Variants in TMEM26 observed in about 807,000 individuals in gnomAD.
The protein encoded by TMEM26 is transmembrane protein 26.
In TMEM26, 38 loss-of-function variants were observed where a neutral mutation model predicts 28.8. The ratio of observed to expected loss-of-function variants is 1.32; its 90% CI spans 1.02 to 1.73. The LOEUF is 1.73. Among genes scored for constraint, TMEM26 ranks in the 40% most tolerant of loss-of-function variants. TMEM26 has a pLI of 0.00. For synonymous variants in TMEM26, 227 were observed against 182.9 expected (o/e 1.24, Z -1.95); for missense variants, 518 against 447.1 (o/e 1.16, Z -1.43).
At chr10:61,438,764 G>C (rs1840046611) in intron 1 of TMEM26, among the ~76,000 whole-genome samples, 1 of 152,122 alleles carries the variant, frequency 6.6e-6, no homozygotes, top group Non-Finnish European at 1.5e-5. Flanking sequence ...GATATTCGAA[G>C]ACTTCATTAT....
rs1839521783 is a variant in TMEM26 at position 61,408,375 on chromosome 10, A to G, written c.*1947T>C. The G allele has an allele frequency of 6.6e-6, 1 of 152,222 alleles. No homozygotes were observed. Among genetic ancestry groups the G allele is most frequent in the Non-Finnish European group, 1.5e-5 (1 of 68,040 alleles). The allele number at this position is 152,222 out of a possible 1,614,324, so 9.4% of individuals were successfully genotyped here. On this transcript the variant is annotated 3_prime_UTR_variant, in exon 6 of 6. Transcript: ENST00000399298. ...CAAGCCAAGTCTCAGATTTGAAAGC[A>G]TTTAAAAATATCCTTGCAACAGCCG...
chr10:61,443,865 C>A (rs936638330), intron 1 of TMEM26, among the ~76,000 whole-genome samples: 3 of 152,200 alleles, frequency 2.0e-5, no homozygotes, highest in Non-Finnish European at 1.5e-5. Context: ...CAATATGTTT[C>A]ACTATTACTA....
intron 1 of TMEM26, among the ~76,000 whole-genome samples, chr10:61,446,014 A>T (rs935329651): frequency 5.3e-5 from 8 of 152,068 alleles, no homozygotes; most frequent in Non-Finnish European, 7.4e-5. Flanking sequence ...AGTGAAAAAA[A>T]ATATATCAGT....
At chr10:61,432,922 G>T (rs1433554652) in intron 2 of TMEM26, among the ~76,000 whole-genome samples, 2 of 152,030 alleles carry the variant, frequency 1.3e-5, no homozygotes, top group East Asian at 3.8e-4. Flanking sequence ...TCCAAGAAAA[G>T]ATAATGAAGA....
chr10:61,414,015 GA>G, intron 4 of TMEM26: 1 of 987,328 alleles, frequency 1.0e-6, no homozygotes, highest in South Asian at 4.7e-5. Flanking sequence ...CATTAGATAG[GA>G]AAAAGGTAAG....
At position 61,429,047 on chromosome 10, in the gene TMEM26, G is replaced by A. The variant is rs1839877951; in HGVS notation, c.484C>T (p.Leu162Phe). The A allele has an allele frequency of 9.9e-6, 16 of 1,613,380 alleles. No individual in the cohort carries two copies. Among genetic ancestry groups the A allele is most frequent in the Admixed American group, 1.7e-5 (1 of 59,936 alleles). The change falls in exon 4 of 6, where the codon CTT (leucine) becomes TTT (phenylalanine). Residue 162 changes from leucine (L) to phenylalanine (F), a missense_variant. Leu to Phe is a conservative substitution (Grantham distance 22). Coordinates refer to ENST00000399298, the MANE Select transcript of TMEM26 (RefSeq NM_178505.8). ...FLLMLIIGRW[L>F]LPIGGGITRD... ...GTGATCCCGCCTCCAATGGGTAGAAGCCATCTTCCAATTATTAGCATTAAC... is the reference window on the plus strand; with the variant it reads ...GTGATCCCGCCTCCAATGGGTAGAAACCATCTTCCAATTATTAGCATTAAC...
Position 61,409,760 on chromosome 10 carries a change from G to C in TMEM26, c.*562C>G, listed in dbSNP as rs2135282624. On this transcript the variant is annotated 3_prime_UTR_variant, in exon 6 of 6. Coordinates refer to ENST00000399298, the MANE Select transcript of TMEM26 (RefSeq NM_178505.8). The stretch of plus-strand genomic sequence containing the variant: ...TCAGCCCAGAAAAAATGATTTTCCT[G>C]GGAAGGCCTGGGCAGCGATGAATAG... The C allele has an allele frequency of 6.5e-6, 1 of 153,120 alleles. No homozygotes were observed. Among genetic ancestry groups the C allele is most frequent in the African/African-American group, 2.4e-5 (1 of 41,534 alleles). 9.5% of individuals were successfully genotyped at this position (153,120 alleles called of 1,614,324 possible). A position where few individuals can be genotyped will look rare whatever the true frequency, so the allele number is the denominator to read the frequency against.
intron 2 of TMEM26, among the ~76,000 whole-genome samples, chr10:61,434,831 G>A (rs1839978226): frequency 6.6e-6 from 1 of 152,162 alleles, no homozygotes; most frequent in African/African-American, 2.4e-5. Context: ...ATATATTGGA[G>A]GCAGATAGGG....
chr10:61,430,801 G>A (rs1257225124), intron 3 of TMEM26, among the ~76,000 whole-genome samples: 1 of 151,946 alleles, frequency 6.6e-6, no homozygotes, highest in Non-Finnish European at 1.5e-5. Flanking sequence ...TGGGGAGGCT[G>A]TACATGAGTA....
intron 4 of TMEM26, among the ~76,000 whole-genome samples, chr10:61,428,600 G>A (rs1222750357): frequency 1.3e-5 from 2 of 151,962 alleles, no homozygotes; most frequent in African/African-American, 2.4e-5. Context: ...AGCTGGGGAT[G>A]GTCATTCCAC....
intron 2 of TMEM26, among the ~76,000 whole-genome samples, chr10:61,435,426 G>A (rs929980887): frequency 1.3e-5 from 2 of 152,104 alleles, no homozygotes; most frequent in Non-Finnish European, 2.9e-5. Flanking sequence ...TGATCCACCC[G>A]CTTCGGCCTC....
chr10:61,447,552 A>G (rs2135337341), intron 1 of TMEM26, among the ~76,000 whole-genome samples: 1 of 152,348 alleles, frequency 6.6e-6, no homozygotes, highest in South Asian at 2.1e-4. Flanking sequence ...TGAGCCATCC[A>G]GATAATTTCT....
chr10:61,447,925 C>A (rs1174916102), intron 1 of TMEM26, among the ~76,000 whole-genome samples: 1 of 152,198 alleles, frequency 6.6e-6, no homozygotes, highest in Non-Finnish European at 1.5e-5. Flanking sequence ...TTTTCTGTTA[C>A]CTATTAATTC....
intron 2 of TMEM26, among the ~76,000 whole-genome samples, chr10:61,431,568 C>A (rs554523638): frequency 3.3e-5 from 5 of 152,150 alleles, no homozygotes; most frequent in African/African-American, 4.8e-5. Flanking sequence ...AATGAGGATG[C>A]AAATGCTCTG....
At chr10:61,441,379 A>T (rs1840090031) in intron 1 of TMEM26, among the ~76,000 whole-genome samples, 1 of 152,212 alleles carries the variant, frequency 6.6e-6, no homozygotes, top group Admixed American at 6.5e-5. Context: ...CCTATGAAAA[A>T]TTTAATATTT....
intron 5 of TMEM26, among the ~76,000 whole-genome samples, chr10:61,412,565 A>G (rs1839584620): frequency 6.6e-6 from 1 of 152,174 alleles, no homozygotes; most frequent in Non-Finnish European, 1.5e-5. Flanking sequence ...TCTTTGGAGT[A>G]AAGTGACATC....
At chr10:61,427,651 T>G (rs895359337) in intron 4 of TMEM26, among the ~76,000 whole-genome samples, 18 of 152,104 alleles carry the variant, frequency 1.2e-4, no homozygotes, top group Non-Finnish European at 1.3e-4. Flanking sequence ...ATTTTATGAC[T>G]GGCCCCACAA....
At position 61,453,277 on chromosome 10, in the gene TMEM26, T is replaced by C; in HGVS notation, c.-196A>G. 3.3e-6 allele frequency: 2 copies of C among 602,270 alleles called. No homozygotes were observed. The highest frequency in any genetic ancestry group is 5.9e-5 in the Admixed American group (2 of 33,706). The allele number at this position is 602,270 out of a possible 1,614,324, so 37.3% of individuals were successfully genotyped here. ...CCCCTCCCCCAAACTTCCTGAGAACTCTTCAAAGAGGGGTGAGTCCAAACC... is the reference window on the plus strand; with the variant it reads ...CCCCTCCCCCAAACTTCCTGAGAACCCTTCAAAGAGGGGTGAGTCCAAACC... On this transcript the variant is annotated 5_prime_UTR_variant, in exon 1 of 6. Coordinates refer to ENST00000399298, the MANE Select transcript of TMEM26 (RefSeq NM_178505.8).
chr10:61,434,891 G>A (rs530109781), intron 2 of TMEM26, among the ~76,000 whole-genome samples: 11 of 152,256 alleles, frequency 7.2e-5, no homozygotes, highest in African/African-American at 2.4e-4. Context: ...CTATAACAAA[G>A]AAATCTATGT....
Sources: allele counts gnomAD v4.1 joint callset (sites outside exome capture counted in the v4.1 genomes callset), GRCh38; gene constraint gnomAD v4.1.1; transcripts MANE v1.5; gene names NCBI Gene and HGNC (gene_info 2026-07-23, HGNC 2026-07-21).